Variants in UNC13B observed in about 807,000 individuals in gnomAD.
The protein encoded by UNC13B is protein unc-13 homolog B.
Under a neutral mutation model 211.0 loss-of-function variants are expected in UNC13B, and 144 were observed. The ratio of observed to expected loss-of-function variants is 0.68; its 90% confidence interval spans 0.60 to 0.78. The LOEUF (loss-of-function observed/expected upper bound fraction) is 0.78, where lower values mean the gene tolerates loss of function less well. Among genes scored for constraint, UNC13B ranks in the 30% least tolerant of loss-of-function variants. The probability of loss-of-function intolerance (pLI) is 0.00; values close to 1 mark genes in which losing one functional copy is unlikely to be tolerated. For missense variants in UNC13B, 1,777 were observed against 2,002.0 expected, an observed-to-expected ratio of 0.89 and a Z score of 2.14; for synonymous variants, 709 against 725.8, an observed-to-expected ratio of 0.98 and a Z score of 0.37.
At chr9:35,265,935 C>G (rs542202952) in intron 7 of UNC13B, among the ~76,000 whole-genome samples, 1 of 152,310 alleles carries the variant, frequency 6.6e-6, no homozygotes, top group South Asian at 2.1e-4. Flanking sequence ...AAGTGATTCT[C>G]CTGCCTCAGC....
chr9:35,247,945 G>T (rs1358660753), intron 6 of UNC13B, among the ~76,000 whole-genome samples: 1 of 152,122 alleles, frequency 6.6e-6, no homozygotes, highest in Non-Finnish European at 1.5e-5. Context: ...GCTCCTCCTT[G>T]TACCTCTGGT....
At chr9:35,211,742 G>A (rs945604833) in intron 1 of UNC13B, among the ~76,000 whole-genome samples, 6 of 152,174 alleles carry the variant, frequency 3.9e-5, no homozygotes, top group Admixed American at 6.5e-5. Flanking sequence ...TCATCATTAC[G>A]GCTTATCATA....
intron 11 of UNC13B, among the ~76,000 whole-genome samples, chr9:35,329,848 A>G (rs552392631): frequency 2.6e-5 from 4 of 152,248 alleles, no homozygotes; most frequent in Admixed American, 2.6e-4. Flanking sequence ...GAAAACTAAT[A>G]TACCTCCCAT....
intron 1 of UNC13B, among the ~76,000 whole-genome samples, chr9:35,199,651 T>C (rs1823162702): frequency 1.3e-5 from 2 of 152,226 alleles, no homozygotes; most frequent in Admixed American, 6.5e-5. Flanking sequence ...TTGAGAAGTG[T>C]CTGTTCATAT....
chr9:35,228,722 GTGTGTGTGTGTGTGTGTGTGTGTGTGTA>G (rs1363979706), intron 2 of UNC13B, among the ~76,000 whole-genome samples: 2 of 145,968 alleles, frequency 1.4e-5, no homozygotes, highest in Non-Finnish European at 3.0e-5. Flanking sequence ...GTGTGTGTGT[GTGTGTGTGTGTGTGTGTGTGTGTGTGTA>G]TGTGTGTGTC....
chr9:35,198,220 G>A (rs996263825), intron 1 of UNC13B, among the ~76,000 whole-genome samples: 18 of 152,182 alleles, frequency 1.2e-4, no homozygotes, highest in East Asian at 3.9e-4. Context: ...TCATGGGAGC[G>A]GAGTTCTCAT....
intron 1 of UNC13B, among the ~76,000 whole-genome samples, chr9:35,185,278 A>G (rs967577530): frequency 7.2e-5 from 11 of 152,326 alleles, no homozygotes; most frequent in Non-Finnish European, 1.6e-4. Flanking sequence ...TAGTTGGCTA[A>G]GATGCTATGT....
intron 11 of UNC13B, chr9:35,353,391 C>G: frequency 8.1e-7 from 1 of 1,232,258 alleles, no homozygotes; most frequent in Non-Finnish European, 1.0e-6. Flanking sequence ...GGTTCCCAGT[C>G]AGAGAACAGT....
intron 11 of UNC13B, among the ~76,000 whole-genome samples, chr9:35,338,538 A>G (rs1404217497): frequency 6.6e-6 from 1 of 152,140 alleles, no homozygotes; most frequent in Non-Finnish European, 1.5e-5. Flanking sequence ...TAGGGAGGGC[A>G]TCATTCTACA....
At chr9:35,293,158 C>A (rs959773940) in intron 7 of UNC13B, among the ~76,000 whole-genome samples, 1 of 152,154 alleles carries the variant, frequency 6.6e-6, no homozygotes, top group Admixed American at 6.5e-5. Flanking sequence ...TTTTCATATT[C>A]TCTTCTACTC....
rs747971364 is a variant in UNC13B, at chr9:35,400,287, A to G, written c.12337-9A>G. ...ATGAAGCAGTCACGGGTGCTCTTTT[A>G]TCTTGCAGCAATACTTCCATGCAGG... On this transcript the variant is annotated splice_polypyrimidine_tract_variant and intron_variant, in intron 36 of 39. Coordinates refer to ENST00000635942, the MANE Select transcript of UNC13B (RefSeq NM_001371189.2). 21 of 1,613,276 alleles carry G rather than the reference A, an allele frequency of 1.3e-5. No homozygotes were observed. Among genetic ancestry groups the G allele is most frequent in the Non-Finnish European group, 1.7e-5 (20 of 1,179,586 alleles).
intron 12 of UNC13B, 42 bp downstream of exon 12, chr9:35,367,035 A>G: frequency 1.9e-6 from 3 of 1,571,014 alleles, no homozygotes; most frequent in Middle Eastern, 1.7e-4. Flanking sequence ...TTTATTCAGT[A>G]TCTCTTGATG....
intron 6 of UNC13B, among the ~76,000 whole-genome samples, chr9:35,252,945 T>C (rs575168423): frequency 6.6e-6 from 1 of 151,454 alleles, no homozygotes; most frequent in Admixed American, 6.6e-5. Context: ...AAAAAAAAAA[T>C]TTTTTTTCTG....
chr9:35,347,403 G>A (rs911432735), intron 11 of UNC13B, among the ~76,000 whole-genome samples: 1 of 152,160 alleles, frequency 6.6e-6, no homozygotes, highest in African/African-American at 2.4e-5. Context: ...TTTCACTTCT[G>A]TGGACAGTAG....
chr9:35,178,848 A>T (rs1006847498), intron 1 of UNC13B, among the ~76,000 whole-genome samples: 3 of 137,976 alleles, frequency 2.2e-5, no homozygotes, highest in African/African-American at 8.1e-5. Context: ...AGATCGCACC[A>T]CTGCACTCCA....
chr9:35,314,124 A>T, intron 11 of UNC13B, 135 bp downstream of exon 11: 1 of 738,760 alleles, frequency 1.4e-6, no homozygotes, highest in East Asian at 2.7e-5. Flanking sequence ...ATTAAGCCAG[A>T]GCTTTAAGGG....
At chr9:35,300,144 T>A in intron 8 of UNC13B, 22 bp from the exon 9 acceptor site, 1 of 398,734 alleles carries the variant, frequency 2.5e-6, no homozygotes, top group East Asian at 3.6e-5. Flanking sequence ...GAGTTTAAGG[T>A]TGAAACTTCT....
At chr9:35,280,947 A>G (rs2131725388) in intron 7 of UNC13B, among the ~76,000 whole-genome samples, 1 of 152,286 alleles carries the variant, frequency 6.6e-6, no homozygotes, top group East Asian at 1.9e-4. Flanking sequence ...GTATATGCAT[A>G]AAGGTCAGTT....
intron 1 of UNC13B, among the ~76,000 whole-genome samples, chr9:35,166,197 C>T (rs777777811): frequency 1.3e-5 from 2 of 152,026 alleles, no homozygotes; most frequent in Admixed American, 1.3e-4. Context: ...GCCTGGCCAA[C>T]GTGGTGAAAC....
Sources: allele counts gnomAD v4.1 joint callset (sites outside exome capture counted in the v4.1 genomes callset), GRCh38; gene constraint gnomAD v4.1.1; transcripts MANE v1.5; gene names NCBI Gene and HGNC (gene_info 2026-07-23, HGNC 2026-07-21).